ZNF385B: variants seen among roughly 807,000 people sequenced by gnomAD.
ZNF385B encodes the protein zinc finger protein 385B, also known as zinc finger protein 533.
Under a neutral mutation model 39.2 loss-of-function variants are expected in ZNF385B, and 23 were observed. The observed-to-expected ratio is 0.59, with a 90% CI of 0.42 to 0.83. The LOEUF is 0.83. Ranked by LOEUF, ZNF385B falls within the 40% of genes least tolerant of loss-of-function variation. ZNF385B has a pLI of 0.00. For missense variants in ZNF385B, 552 were observed against 598.9 expected (o/e 0.92, Z 0.82); for synonymous variants, 205 against 222.6 (o/e 0.92, Z 0.70).
Position 179,493,589 on chromosome 2 carries a change from A to T in ZNF385B, c.553-10155T>A, listed in dbSNP as rs1215600070. 5.7e-4 allele frequency among the ~76,000 whole-genome samples: 82 copies of T among 143,742 alleles called. 2 individuals carry two copies. In the Admixed American group the frequency reaches 5.9e-3, roughly 10 times the overall value. The allele number at this position is 143,742 out of a possible 152,430, so 94.3% of individuals were successfully genotyped here. On this transcript the variant is annotated intron_variant, in intron 5 of 9. Coordinates refer to ENST00000410066, the MANE Select transcript of ZNF385B (RefSeq NM_152520.6). ...TGCGTATACATATGTGTATGTGTACATATATGCGTATACATATATGTACGT... is the reference window on the plus strand; with the variant it reads ...TGCGTATACATATGTGTATGTGTACTTATATGCGTATACATATATGTACGT...
intron 4 of ZNF385B, among the ~76,000 whole-genome samples, chr2:179,541,965 T>C (rs2059944946): frequency 6.6e-6 from 1 of 152,340 alleles, no homozygotes; most frequent in East Asian, 1.9e-4. Context: ...TAACTCTCTT[T>C]CTTCCTCTAG....
chr2:179,806,069 T>C (rs1270846388), intron 1 of ZNF385B, among the ~76,000 whole-genome samples: 2 of 152,028 alleles, frequency 1.3e-5, no homozygotes, highest in Non-Finnish European at 2.9e-5. Context: ...TTGTTAAATA[T>C]AACCATACTA....
intron 3 of ZNF385B, among the ~76,000 whole-genome samples, chr2:179,547,974 T>C (rs1378235795): frequency 6.7e-6 from 1 of 149,770 alleles, no homozygotes; most frequent in Non-Finnish European, 1.5e-5. Context: ...CATTTAATTT[T>C]AGTTATAGCT....
intron 5 of ZNF385B, among the ~76,000 whole-genome samples, chr2:179,499,647 A>G (rs183842991): frequency 1.3e-5 from 2 of 152,150 alleles, no homozygotes; most frequent in Admixed American, 1.3e-4. Context: ...ACACCTAATA[A>G]TAAAAGCCAT....
At chr2:179,544,677 G>A in intron 4 of ZNF385B, 150 bp downstream of exon 4, 1 of 896,504 alleles carries the variant, frequency 1.1e-6, no homozygotes, top group Non-Finnish European at 1.8e-6. Flanking sequence ...CATGGGTGAA[G>A]CATCATCTTT....
chr2:179,788,387 G>C (rs1361760479), intron 1 of ZNF385B, among the ~76,000 whole-genome samples: 2 of 152,142 alleles, frequency 1.3e-5, no homozygotes, highest in Non-Finnish European at 2.9e-5. Flanking sequence ...TTAGACCAGA[G>C]ACTTTGTTCT....
Position 179,518,650 on chromosome 2 carries a change from A to C in ZNF385B, c.442-12T>G, listed in dbSNP as rs1240254566. On this transcript the variant is annotated splice_polypyrimidine_tract_variant and intron_variant, in intron 4 of 9. Coordinates refer to ENST00000410066, the MANE Select transcript of ZNF385B (RefSeq NM_152520.6). Reference sequence around the variant, plus strand: ...TGCACAGGATCCATCTGAAGAACAAATGAAAAAATAGTCAATTTGTAACTT... The same window carrying C: ...TGCACAGGATCCATCTGAAGAACAACTGAAAAAATAGTCAATTTGTAACTT... The C allele has an allele frequency of 6.6e-7, 1 of 1,525,080 alleles. No individual in the cohort carries two copies. Among genetic ancestry groups the C allele is most frequent in the African/African-American group, 1.4e-5 (1 of 71,138 alleles). 94.5% of individuals were successfully genotyped at this position (1,525,080 alleles called of 1,614,324 possible).
At chr2:179,709,118 C>T (rs570630615) in intron 3 of ZNF385B, among the ~76,000 whole-genome samples, 1 of 152,184 alleles carries the variant, frequency 6.6e-6, no homozygotes, top group Non-Finnish European at 1.5e-5. Context: ...AACAATGAAC[C>T]TTTATCATCT....
chr2:179,693,039 A>G lies in ZNF385B; in HGVS notation c.298+76464T>C, dbSNP rs113480301. On this transcript the variant is annotated intron_variant, in intron 3 of 9. Transcript: ENST00000410066. Reference sequence around the variant, plus strand: ...AATGCAATCTTGGACTTCACTCAAGAACTATTAAATCAGAGCTTGCCTTTT... The same window carrying G: ...AATGCAATCTTGGACTTCACTCAAGGACTATTAAATCAGAGCTTGCCTTTT... Among the ~76,000 whole-genome samples the G allele has an allele frequency of 7.2e-5, 11 of 152,346 alleles. 1 individual carries two copies. The highest frequency in any genetic ancestry group is 3.4e-3 in the Middle Eastern group (1 of 294).
chr2:179,857,487 T>C (rs1684695675), intron 1 of ZNF385B, among the ~76,000 whole-genome samples: 1 of 151,866 alleles, frequency 6.6e-6, no homozygotes, highest in African/African-American at 2.4e-5. Context: ...TCTCGACAAG[T>C]GGAAATAATT....
chr2:179,672,053 C>G (rs1696082163), intron 3 of ZNF385B, among the ~76,000 whole-genome samples: 1 of 152,252 alleles, frequency 6.6e-6, no homozygotes, highest in South Asian at 2.1e-4. Flanking sequence ...CCCTACAAAG[C>G]AGTGTGGACA....
At chr2:179,784,094 T>C (rs935112586) in intron 1 of ZNF385B, among the ~76,000 whole-genome samples, 7 of 152,092 alleles carry the variant, frequency 4.6e-5, no homozygotes, top group African/African-American at 1.7e-4. Flanking sequence ...AATGACAGAT[T>C]GGATAAAGAA....
chr2:179,582,713 T>C (rs1256846849), intron 3 of ZNF385B, among the ~76,000 whole-genome samples: 1 of 152,190 alleles, frequency 6.6e-6, no homozygotes, highest in Middle Eastern at 3.2e-3. Context: ...ACTTTGTAAT[T>C]TGGAATAATT....
chr2:179,856,988 G>A (rs1247362484), intron 1 of ZNF385B, among the ~76,000 whole-genome samples: 5 of 152,150 alleles, frequency 3.3e-5, no homozygotes, highest in African/African-American at 4.8e-5. Flanking sequence ...TTCTCAAAGC[G>A]TGGTTCAAGG....
chr2:179,520,455 CTA>C (rs1354437962), intron 4 of ZNF385B, among the ~76,000 whole-genome samples: 6 of 152,028 alleles, frequency 3.9e-5, no homozygotes, highest in Non-Finnish European at 7.4e-5. Context: ...ATTTAAAAAA[CTA>C]TGTGACAAAG....
chr2:179,539,752 A>G (rs1452935263), intron 4 of ZNF385B, among the ~76,000 whole-genome samples: 2 of 152,206 alleles, frequency 1.3e-5, no homozygotes, highest in Non-Finnish European at 2.9e-5. Context: ...ACAAAAAATG[A>G]AAACATCTCT....
chr2:179,446,607 T>G lies in ZNF385B; in HGVS notation c.879A>C (p.Glu293Asp). ...AATAAAGTAATTTTTTGGCTTTTTC[T>G]TCTTCTGATTCAACAACAGTACCGG... is the stretch of plus-strand genomic sequence containing the variant. ...GAPGTVVESEEEKAKKLLYCS... is the reference protein window; with the variant it reads ...GAPGTVVESEDEKAKKLLYCS... The change falls in exon 7 of 10, where the codon GAA (glutamate) becomes GAC (aspartate). Residue 293 changes from glutamate to aspartate, a missense_variant. Coordinates refer to ENST00000410066, the MANE Select transcript of ZNF385B (RefSeq NM_152520.6). The G allele has an allele frequency of 6.2e-7, 1 of 1,614,192 alleles. No individual in the cohort carries two copies. Among genetic ancestry groups the G allele is most frequent in the Admixed American group, 1.7e-5 (1 of 60,030 alleles).
At chr2:179,826,199 G>A (rs1024859202) in intron 1 of ZNF385B, among the ~76,000 whole-genome samples, 7 of 152,174 alleles carry the variant, frequency 4.6e-5, no homozygotes, top group African/African-American at 1.2e-4. Context: ...AACAAGAATG[G>A]AGTTCAATGT....
intron 3 of ZNF385B, among the ~76,000 whole-genome samples, chr2:179,600,138 C>G (rs948474572): frequency 6.6e-6 from 1 of 152,122 alleles, no homozygotes; most frequent in Non-Finnish European, 1.5e-5. Flanking sequence ...TTCAATTGTG[C>G]CAATCTTCCA....
Sources: allele counts gnomAD v4.1 joint callset (sites outside exome capture counted in the v4.1 genomes callset), GRCh38; gene constraint gnomAD v4.1.1; transcripts MANE v1.5; gene names NCBI Gene and HGNC (gene_info 2026-07-23, HGNC 2026-07-21).